Variants in KIAA1755 observed in about 807,000 individuals in gnomAD.
KIAA1755 encodes the protein uncharacterized protein KIAA1755.
In KIAA1755, 68 loss-of-function variants were observed where a neutral mutation model predicts 91.7. That is an observed-to-expected ratio of 0.74 (90% CI 0.61 to 0.91). KIAA1755 has a LOEUF of 0.91. Among genes scored for constraint, KIAA1755 ranks in the 40% least tolerant of loss-of-function variants. The pLI is 0.00. For missense variants in KIAA1755, 1,535 were observed against 1,494.4 expected (o/e 1.03, Z -0.45); for synonymous variants, 610 against 604.6 (o/e 1.01, Z -0.13).
In KIAA1755 at chr20:38,241,700, AGTATAGG is replaced by A; in HGVS notation, c.424_430del (p.Pro142PhefsTer24). ...GGCCTCCAGCCATTCTTGGGTGAAA[AGTATAGG>A]GTAGGCTGGCTCTGGAACAGGCTTC... On this transcript the variant is annotated frameshift_variant, in exon 3 of 14. Transcript: ENST00000279024. LOFTEE classifies it high-confidence loss of function. The A allele has an allele frequency of 6.2e-7, 1 of 1,614,212 alleles. No individual in the cohort carries two copies. The highest frequency in any genetic ancestry group is 8.5e-7 in the Non-Finnish European group (1 of 1,180,044).
chr20:38,240,554 T>C, intron 3 of KIAA1755, 28 bp downstream of exon 3: 1 of 1,474,000 alleles, frequency 6.8e-7, no homozygotes. Context: ...ATAACCTCCT[T>C]GTACAGCTGA....
intron 1 of KIAA1755, among the ~76,000 whole-genome samples, chr20:38,257,128 A>G (rs1482944585): frequency 6.6e-6 from 1 of 152,132 alleles, no homozygotes; most frequent in Non-Finnish European, 1.5e-5. Flanking sequence ...CCCACCACCC[A>G]TCAGACACAG....
chr20:38,256,626 A>G (rs933968149), intron 1 of KIAA1755, among the ~76,000 whole-genome samples: 1 of 152,070 alleles, frequency 6.6e-6, no homozygotes, highest in Non-Finnish European at 1.5e-5. Flanking sequence ...CAACAGAGGG[A>G]GGCCCTATCT....
chr20:38,216,361 C>T (rs1006296077), intron 13 of KIAA1755, among the ~76,000 whole-genome samples: 1 of 152,192 alleles, frequency 6.6e-6, no homozygotes, highest in Non-Finnish European at 1.5e-5. Context: ...GGGCCCCAGG[C>T]GTGAGTTGAC....
chr20:38,249,283 G>A (rs552381550), intron 1 of KIAA1755, among the ~76,000 whole-genome samples: 1 of 152,126 alleles, frequency 6.6e-6, no homozygotes, highest in Admixed American at 6.5e-5. Flanking sequence ...GGCCCTTCTG[G>A]TTGCCCCAGC....
intron 11 of KIAA1755, 141 bp from the exon 12 acceptor site, chr20:38,218,507 A>G: frequency 8.8e-7 from 1 of 1,141,552 alleles, no homozygotes; most frequent in Non-Finnish European, 1.2e-6. Context: ...TTGGACTGAA[A>G]TTCTCCCAAT....
chr20:38,213,727 A>G lies in KIAA1755; in HGVS notation c.2918T>C (p.Met973Thr). ...RFCKRMTWFH[M>T]DCQDLMAQLR... ...CTGGGCCATCAGGTCCTGACAGTCC[A>G]TGTGGAACCAGGTCATCTGGGGGAC... Residue 973 changes from methionine to threonine, a missense_variant, in exon 14 of 14, where the codon ATG becomes ACG. Met to Thr is a moderately conservative substitution (Grantham distance 81). Transcript: ENST00000279024. 1 of 1,481,808 alleles carries G rather than the reference A, an allele frequency of 6.7e-7. No homozygotes were observed. The allele number at this position is 1,481,808 out of a possible 1,614,324, so 91.8% of individuals were successfully genotyped here. A position where few individuals can be genotyped will look rare whatever the true frequency, so the allele number is the denominator to read the frequency against.
In KIAA1755 at chr20:38,228,586, A is replaced by G. The variant is rs148737791; in HGVS notation, c.1872-346T>C. Among the ~76,000 whole-genome samples the G allele has an allele frequency of 5.5e-3, 835 of 151,804 alleles. 12 individuals are homozygous for G. The highest frequency in any genetic ancestry group is 0.019 in the African/African-American group (792 of 41,380). ...AATCCTTATTTTGCTCAAGAATCCA[A>G]CTCCCTCCAAAAAGCCAAGTTCCCC... is the stretch of plus-strand genomic sequence containing the variant. On this transcript the variant is annotated intron_variant, in intron 5 of 13. Transcript: ENST00000279024.
In KIAA1755 at chr20:38,221,471, T is replaced by A. The variant is rs572297514; in HGVS notation, c.2417+978A>T. Among the ~76,000 whole-genome samples the A allele has an allele frequency of 2.0e-5, 3 of 152,272 alleles. No individual in the cohort carries two copies. In the South Asian group the frequency reaches 6.2e-4, roughly 32 times the overall value. The stretch of plus-strand genomic sequence containing the variant: ...TGTGTAAGCCTGCTCTCAAGTCTAG[T>A]GCAGCTCTGGGTGGTGTGTTCAAGA... On this transcript the variant is annotated intron_variant, in intron 10 of 13. Coordinates refer to ENST00000279024, the MANE Select transcript of KIAA1755 (RefSeq NM_001029864.2).
At chr20:38,251,550 G>A (rs2123315323) in intron 1 of KIAA1755, among the ~76,000 whole-genome samples, 1 of 150,724 alleles carries the variant, frequency 6.6e-6, no homozygotes, top group South Asian at 2.1e-4. Flanking sequence ...TTTGCAATGA[G>A]CCACTGCTAT....
intron 4 of KIAA1755, among the ~76,000 whole-genome samples, chr20:38,236,007 C>T (rs188920430): frequency 2.6e-4 from 39 of 152,306 alleles, no homozygotes; most frequent in African/African-American, 3.8e-4. Flanking sequence ...CCGGTGTGGA[C>T]GCAGAGACAC....
intron 13 of KIAA1755, among the ~76,000 whole-genome samples, chr20:38,216,302 C>T (rs775602373): frequency 2.0e-5 from 3 of 152,234 alleles, no homozygotes; most frequent in Non-Finnish European, 4.4e-5. Context: ...CCAACATCTG[C>T]CTCCCTTGCC....
At chr20:38,227,109 C>A in intron 7 of KIAA1755, 45 bp downstream of exon 7, 1 of 1,470,766 alleles carries the variant, frequency 6.8e-7, no homozygotes. Flanking sequence ...TCAGCTCGAG[C>A]CCAACAACTC....
Position 38,212,913 on chromosome 20 carries a change from G to A in KIAA1755, c.*129C>T. 1 of 704,806 alleles carries A rather than the reference G, an allele frequency of 1.4e-6. No homozygotes were observed. The highest frequency in any genetic ancestry group is 2.3e-6 in the Non-Finnish European group (1 of 439,628). 43.7% of individuals were successfully genotyped at this position (704,806 alleles called of 1,614,324 possible). A position where few individuals can be genotyped will look rare whatever the true frequency, so the allele number is the denominator to read the frequency against. On this transcript the variant is annotated 3_prime_UTR_variant, in exon 14 of 14. Transcript: ENST00000279024. ...GTCGACAGTTCTCATCCTCCCAGCA[G>A]AGGCAGAATGTAAAACCAGTGCTCC...
intron 1 of KIAA1755, among the ~76,000 whole-genome samples, chr20:38,248,939 A>T (rs191675350): frequency 1.6e-3 from 244 of 152,090 alleles, no homozygotes; most frequent in Admixed American, 4.2e-3. Context: ...CAGTGGTGCT[A>T]TCTCGGCTCA....
intron 13 of KIAA1755, 148 bp from the exon 14 acceptor site, chr20:38,213,891 C>T (rs1268898684): frequency 3.6e-6 from 2 of 557,700 alleles, no homozygotes; most frequent in East Asian, 2.8e-5. Context: ...TCCCTCTCTT[C>T]CCTGGGGTGC....
intron 2 of KIAA1755, among the ~76,000 whole-genome samples, chr20:38,245,412 G>GGTC (rs1436152841): frequency 2.6e-5 from 4 of 152,222 alleles, no homozygotes; most frequent in Non-Finnish European, 5.9e-5. Context: ...TTTGAGTGAG[G>GGTC]ATTCTGTCAT....
At chr20:38,229,530 G>A (rs892341663) in intron 5 of KIAA1755, among the ~76,000 whole-genome samples, 3 of 152,188 alleles carry the variant, frequency 2.0e-5, no homozygotes, top group Non-Finnish European at 4.4e-5. Flanking sequence ...CCAACCTGGA[G>A]GCCCTTAAAA....
chr20:38,260,544 G>A lies in KIAA1755; in HGVS notation c.-44C>T. On this transcript the variant is annotated 5_prime_UTR_variant, in exon 1 of 14. Coordinates refer to ENST00000279024, the MANE Select transcript of KIAA1755 (RefSeq NM_001029864.2). ...GCGGGCGGCGCGGCTCCTCTCCTGG[G>A]CGCGGGGTCTGTGGGTCCGCGGGTC... 8 of 1,483,862 alleles carry A rather than the reference G, an allele frequency of 5.4e-6. No individual in the cohort carries two copies. Among genetic ancestry groups the A allele is most frequent in the South Asian group, 1.4e-5 (1 of 70,124 alleles). The allele number at this position is 1,483,862 out of a possible 1,614,324, so 91.9% of individuals were successfully genotyped here.
Sources: allele counts gnomAD v4.1 joint callset (sites outside exome capture counted in the v4.1 genomes callset), GRCh38; gene constraint gnomAD v4.1.1; transcripts MANE v1.5; gene names NCBI Gene and HGNC (gene_info 2026-07-23, HGNC 2026-07-21).